MRPL14: variants seen among roughly 807,000 people sequenced by gnomAD.
MRPL14 encodes the protein mitochondrial ribosomal protein L14, also known as large ribosomal subunit protein uL14m.
In MRPL14, 8 loss-of-function variants were observed where a neutral mutation model predicts 10.9. The ratio of observed to expected loss-of-function variants is 0.74; its 90% CI spans 0.43 to 1.33. The LOEUF is 1.33. Among genes scored for constraint, MRPL14 ranks in the 40% most tolerant of loss-of-function variants. MRPL14 has a pLI of 0.01. For synonymous variants in MRPL14, 82 were observed against 74.1 expected (o/e 1.11, Z -0.54); for missense variants, 179 against 194.5 (o/e 0.92, Z 0.47).
In MRPL14 at chr6:44,114,050, G is replaced by A. The variant is rs967380584; in HGVS notation, c.231C>T (p.Ile77=). The A allele has an allele frequency of 6.2e-7, 1 of 1,614,156 alleles. No individual in the cohort carries two copies. The highest frequency in any genetic ancestry group is 8.5e-7 in the Non-Finnish European group (1 of 1,180,030). The change falls in exon 3 of 3, where the codon ATC becomes ATT. Residue 77 remains isoleucine (I), a synonymous_variant. Transcript: ENST00000372014. ...TGAGCGCCTTTTTCTTCTGTCCCTT[G>A]ATGGCCAGTAGTATCTGGTCGCCCA... ...GKVGDQILLA[I]KGQKKKALIV... is the part of the protein sequence containing the mutation.
In MRPL14 at chr6:44,126,690, C is replaced by A. The variant is rs573808709; in HGVS notation, c.-19+654G>T. 8.5e-5 allele frequency among the ~76,000 whole-genome samples: 13 copies of A among 152,304 alleles called. 1 individual carries two copies. In the South Asian group the frequency reaches 2.7e-3, roughly 32 times the overall value. The stretch of plus-strand genomic sequence containing the variant: ...AAGCAATACTTCCTTTTTGTCCCCT[C>A]CAGGAACCAGAAATTAAATGACCAG... On this transcript the variant is annotated intron_variant, in intron 1 of 2. Coordinates refer to ENST00000372014, the MANE Select transcript of MRPL14 (RefSeq NM_032111.4).
chr6:44,114,038 C>A lies in MRPL14; in HGVS notation c.243G>T (p.Lys81Asn), dbSNP rs1775593327. The A allele has an allele frequency of 1.2e-6, 2 of 1,614,224 alleles. No individual in the cohort carries two copies. Among genetic ancestry groups the A allele is most frequent in the Non-Finnish European group, 1.7e-6 (2 of 1,180,042 alleles). The change falls in exon 3 of 3, where the codon AAG becomes AAT. Residue 81 changes from lysine to asparagine, a missense_variant. Physicochemically the swap from Lys to Asn is moderately conservative, Grantham distance 94. Coordinates refer to ENST00000372014, the MANE Select transcript of MRPL14 (RefSeq NM_032111.4). Reference sequence around the variant, plus strand: ...AGTGCCCCACAATGAGCGCCTTTTTCTTCTGTCCCTTGATGGCCAGTAGTA... The same window carrying A: ...AGTGCCCCACAATGAGCGCCTTTTTATTCTGTCCCTTGATGGCCAGTAGTA... The part of the protein sequence containing the change: ...DQILLAIKGQ[K>N]KKALIVGHCM...
At chr6:44,116,251 T>C (rs910506154) in intron 2 of MRPL14, among the ~76,000 whole-genome samples, 62 of 152,238 alleles carry the variant, frequency 4.1e-4, no homozygotes, top group African/African-American at 1.4e-3. Context: ...AGGGGAATGA[T>C]AGGGTTGAGA....
intron 1 of MRPL14, among the ~76,000 whole-genome samples, chr6:44,118,581 T>G (rs1242611505): frequency 1.3e-5 from 2 of 152,250 alleles, no homozygotes; most frequent in African/African-American, 2.4e-5. Flanking sequence ...AAGGGTCATT[T>G]GGCCTCTTTC....
intron 1 of MRPL14, among the ~76,000 whole-genome samples, chr6:44,121,706 A>G (rs375686702): frequency 1.6e-4 from 25 of 152,218 alleles, no homozygotes; most frequent in Admixed American, 4.6e-4. Context: ...TTGGGAGGCC[A>G]AGGCGGGCGG....
chr6:44,127,253 A>C, intron 1 of MRPL14, 91 bp downstream of exon 1: 1 of 120,588 alleles, frequency 8.3e-6, no homozygotes, highest in Admixed American at 8.6e-5. Flanking sequence ...CTCCTCACTC[A>C]CCCCGGGGAG....
chr6:44,115,653 T>C (rs1311001155), intron 2 of MRPL14, among the ~76,000 whole-genome samples: 3 of 150,848 alleles, frequency 2.0e-5, no homozygotes, highest in African/African-American at 4.9e-5. Context: ...ATAAAAGTGA[T>C]GCTACTCCCC....
chr6:44,119,385 G>A (rs895326186), intron 1 of MRPL14, among the ~76,000 whole-genome samples: 2 of 151,858 alleles, frequency 1.3e-5, no homozygotes, highest in African/African-American at 2.4e-5. Context: ...AAAATAAGCC[G>A]GGCATGGTGG....
intron 1 of MRPL14, among the ~76,000 whole-genome samples, chr6:44,124,993 T>G (rs1270011858): frequency 6.6e-6 from 1 of 152,184 alleles, no homozygotes; most frequent in African/African-American, 2.4e-5. Context: ...TTTTAAAGAA[T>G]TCTTGCAACA....
intron 1 of MRPL14, among the ~76,000 whole-genome samples, chr6:44,126,090 G>A (rs1047899022): frequency 6.6e-6 from 1 of 152,172 alleles, no homozygotes; most frequent in Non-Finnish European, 1.5e-5. Flanking sequence ...CATGCTAACT[G>A]CATCCTCAGA....
In MRPL14 at chr6:44,113,734, T is replaced by A; in HGVS notation, c.*109A>T. The A allele has an allele frequency of 8.9e-7, 1 of 1,125,464 alleles. No homozygotes were observed. Among genetic ancestry groups the A allele is most frequent in the Non-Finnish European group, 1.3e-6 (1 of 790,026 alleles). The allele number at this position is 1,125,464 out of a possible 1,614,324, so 69.7% of individuals were successfully genotyped here. On this transcript the variant is annotated 3_prime_UTR_variant, in exon 3 of 3. Coordinates refer to ENST00000372014, the MANE Select transcript of MRPL14 (RefSeq NM_032111.4). ...ATTCTCTCACAGGATACTACACTGT[T>A]ACCCAGTGTGAAGGGAGCAGCCATG... is the stretch of plus-strand genomic sequence containing the variant.
intron 1 of MRPL14, among the ~76,000 whole-genome samples, chr6:44,125,181 C>T (rs1454585222): frequency 6.6e-6 from 1 of 152,164 alleles, no homozygotes; most frequent in Non-Finnish European, 1.5e-5. Context: ...AAGGATTCCA[C>T]AAGGCACTTA....
intron 1 of MRPL14, among the ~76,000 whole-genome samples, chr6:44,121,936 CAA>C (rs61174423): frequency 0.32 from 43,645 of 134,632 alleles, 6,922 homozygotes; most frequent in East Asian, 0.54. Context: ...AAGACTGTCT[CAA>C]AAAAAAAAAA....
rs1248395737 is a variant in MRPL14, at chr6:44,113,779, G to A, written c.*64C>T. On this transcript the variant is annotated 3_prime_UTR_variant, in exon 3 of 3. Transcript: ENST00000372014. ...GCCATGTGGCTCCCAAGCTCCCTTAGCAAAAGGGTGGTTCTCAGAACTGCT... is the reference window on the plus strand; with the variant it reads ...GCCATGTGGCTCCCAAGCTCCCTTAACAAAAGGGTGGTTCTCAGAACTGCT... 6.0e-6 allele frequency: 9 copies of A among 1,503,504 alleles called. No individual in the cohort carries two copies. Among genetic ancestry groups the A allele is most frequent in the Non-Finnish European group, 8.0e-6 (9 of 1,124,298 alleles). 93.1% of individuals were successfully genotyped at this position (1,503,504 alleles called of 1,614,324 possible).
rs796529595 is a variant in MRPL14, at chr6:44,117,841, T to G, written c.-18-1212A>C. Among the ~76,000 whole-genome samples, 185 of 25,630 alleles carry G rather than the reference T, an allele frequency of 7.2e-3. No homozygotes were observed. In the East Asian group the frequency reaches 0.076, roughly 11 times the overall value. 16.8% of individuals were successfully genotyped at this position (25,630 alleles called of 152,430 possible). Reference sequence around the variant, plus strand: ...CAGGACGCCTGGCTAATTTTTTGTGTTTTTTTTTTTTTTTTTTTTTTTTTT... The same window carrying G: ...CAGGACGCCTGGCTAATTTTTTGTGGTTTTTTTTTTTTTTTTTTTTTTTTT... On this transcript the variant is annotated intron_variant, in intron 1 of 2. Coordinates refer to ENST00000372014, the MANE Select transcript of MRPL14 (RefSeq NM_032111.4).
At chr6:44,118,741 G>A (rs12525717) in intron 1 of MRPL14, among the ~76,000 whole-genome samples, 1 of 152,338 alleles carries the variant, frequency 6.6e-6, no homozygotes, top group African/African-American at 2.4e-5. Flanking sequence ...GAGGTGGGCA[G>A]ATCACCTGAG....
intron 1 of MRPL14, among the ~76,000 whole-genome samples, chr6:44,117,443 G>T (rs970196756): frequency 2.0e-5 from 3 of 152,174 alleles, no homozygotes; most frequent in Admixed American, 2.0e-4. Flanking sequence ...CTTCAGAAAG[G>T]CCTGTAGCCA....
intron 2 of MRPL14, 34 bp downstream of exon 2, chr6:44,116,507 G>T: frequency 6.2e-7 from 1 of 1,603,036 alleles, no homozygotes; most frequent in Non-Finnish European, 8.5e-7. Flanking sequence ...CTTACACAAA[G>T]ACACAGTTTT....
rs56951374 is a variant in MRPL14 at position 44,125,654 on chromosome 6, C to CAAA, written c.-19+1687_-19+1689dup. ...CCAGCCTGGGCAAGAGAGACTGTCT[C>CAAA]AAAAAAAAAAAAAAAAAAAAAAAAA... On this transcript the variant is annotated intron_variant, in intron 1 of 2. Transcript: ENST00000372014. Among the ~76,000 whole-genome samples, 23 of 64,588 alleles carry CAAA rather than the reference C, an allele frequency of 3.6e-4. 1 individual carries two copies. Among genetic ancestry groups the CAAA allele is most frequent in the African/African-American group, 6.2e-4 (11 of 17,824 alleles). The allele number at this position is 64,588 out of a possible 152,430, so 42.4% of individuals were successfully genotyped here. A position where few individuals can be genotyped will look rare whatever the true frequency, so the allele number is the denominator to read the frequency against.
Sources: allele counts gnomAD v4.1 joint callset (sites outside exome capture counted in the v4.1 genomes callset), GRCh38; gene constraint gnomAD v4.1.1; transcripts MANE v1.5; gene names NCBI Gene and HGNC (gene_info 2026-07-23, HGNC 2026-07-21).